Variants in CEP128 observed in about 807,000 individuals in gnomAD.
CEP128 encodes centrosomal protein 128kDa.
Under a neutral mutation model 156.7 loss-of-function variants are expected in CEP128, and 132 were observed. The ratio of observed to expected loss-of-function variants is 0.84; its 90% CI spans 0.73 to 0.97. The LOEUF (loss-of-function observed/expected upper bound fraction) is 0.97. Ranked by LOEUF, CEP128 falls within the 50% of genes least tolerant of loss-of-function variation. The pLI, the probability that CEP128 is intolerant of heterozygous loss-of-function variation, is 0.00. For synonymous variants in CEP128, 469 were observed against 448.9 expected (o/e 1.04, Z -0.57); for missense variants, 1,252 against 1,281.9 (o/e 0.98, Z 0.36).
chr14:80,486,107 C>A (rs1481734025), downstream of CEP128, among the ~76,000 whole-genome samples: 1 of 152,074 alleles, frequency 6.6e-6, no homozygotes, highest in Non-Finnish European at 1.5e-5. Context: ...TAAATGGGAC[C>A]TATTGCATTG....
At chr14:80,896,456 C>T (rs1007126066) in intron 7 of CEP128, among the ~76,000 whole-genome samples, 6 of 152,256 alleles carry the variant, frequency 3.9e-5, no homozygotes, top group East Asian at 1.9e-4. Context: ...ATGTTCAACT[C>T]GAGACATTTT....
chr14:80,800,413 T>C (rs1333178644), intron 13 of CEP128, among the ~76,000 whole-genome samples: 1 of 152,186 alleles, frequency 6.6e-6, no homozygotes, highest in South Asian at 2.1e-4. Flanking sequence ...ATCCAATGTC[T>C]ACATTTTACA....
intron 18 of CEP128, among the ~76,000 whole-genome samples, chr14:80,748,720 T>C (rs1899232600): frequency 6.6e-6 from 1 of 152,150 alleles, no homozygotes; most frequent in Non-Finnish European, 1.5e-5. Context: ...TACTCTCAGC[T>C]GAGGTGGGCA....
At chr14:80,687,071 G>A (rs930040597) in intron 19 of CEP128, among the ~76,000 whole-genome samples, 11 of 152,102 alleles carry the variant, frequency 7.2e-5, no homozygotes, top group Non-Finnish European at 1.6e-4. Context: ...GTTGAACACA[G>A]CTATGGATCA....
intron 19 of CEP128, among the ~76,000 whole-genome samples, chr14:80,677,096 A>G (rs1351521784): frequency 6.6e-6 from 1 of 152,224 alleles, no homozygotes; most frequent in Non-Finnish European, 1.5e-5. Context: ...CCCATGATGT[A>G]TAAAAAGTTT....
intron 24 of CEP128, among the ~76,000 whole-genome samples, chr14:80,502,794 T>C (rs1887798696): frequency 6.6e-6 from 1 of 152,096 alleles, no homozygotes; most frequent in African/African-American, 2.4e-5. Flanking sequence ...CTCTTCTTTT[T>C]AATTCTTCAA....
At chr14:80,870,494 T>C (rs1324613731) in intron 8 of CEP128, among the ~76,000 whole-genome samples, 2 of 152,072 alleles carry the variant, frequency 1.3e-5, no homozygotes, top group Non-Finnish European at 2.9e-5. Context: ...AAAAATCATA[T>C]GGTCTTCTCC....
rs915250437 is a variant in CEP128 at position 80,897,595 on chromosome 14, A to G, written c.573-1805T>C. 2.7e-5 allele frequency among the ~76,000 whole-genome samples: 4 copies of G among 148,042 alleles called. No individual in the cohort carries two copies. The South Asian group carries it at 8.6e-4, about 32-fold the overall frequency. On this transcript the variant is annotated intron_variant, in intron 7 of 24. Coordinates refer to ENST00000555265, the MANE Select transcript of CEP128 (RefSeq NM_152446.5). ...AATTACCATCTACCTAGTTATTCAA[A>G]TTGAAAATCTTAGAGTCATCCTTAT... is the stretch of plus-strand genomic sequence containing the variant.
At chr14:80,808,961 A>G (rs1456160327) in intron 13 of CEP128, among the ~76,000 whole-genome samples, 3 of 152,250 alleles carry the variant, frequency 2.0e-5, no homozygotes, top group Non-Finnish European at 4.4e-5. Flanking sequence ...AGCATGAAAA[A>G]GCAAGGAAAT....
intron 2 of CEP128, among the ~76,000 whole-genome samples, chr14:80,931,944 C>T (rs1032692750): frequency 4.5e-4 from 68 of 152,186 alleles, no homozygotes; most frequent in African/African-American, 1.4e-3. Context: ...ACCCAAATCT[C>T]ATCTTGAATT....
intron 8 of CEP128, among the ~76,000 whole-genome samples, chr14:80,892,658 GT>G (rs1450883400): frequency 6.6e-6 from 1 of 151,794 alleles, no homozygotes; most frequent in Non-Finnish European, 1.5e-5. Flanking sequence ...ATCTGATGAG[GT>G]TAATACCCAA....
At chr14:80,900,134 G>A in intron 6 of CEP128, 105 bp from the exon 7 acceptor site, 1 of 667,650 alleles carries the variant, frequency 1.5e-6, no homozygotes, top group Non-Finnish European at 2.5e-6. Flanking sequence ...ATAATAACCA[G>A]ATTCCGTAAT....
Position 80,785,150 on chromosome 14 carries a change from A to C in CEP128, c.1956T>G (p.Ala652=), listed in dbSNP as rs766244322. ...AIRADLANKL[A]EEERAKKAVL... ...CTGCTTTCTTGGCTCTCTCTTCCTCAGCCAATTTATTAGCAAGATCTGCTC... is the reference window on the plus strand; with the variant it reads ...CTGCTTTCTTGGCTCTCTCTTCCTCCGCCAATTTATTAGCAAGATCTGCTC... Residue 652 remains alanine (A), a synonymous_variant, in exon 15 of 25, where the codon GCT becomes GCG. Transcript: ENST00000555265. The C allele has an allele frequency of 6.2e-7, 1 of 1,614,146 alleles. No individual in the cohort carries two copies. Among genetic ancestry groups the C allele is most frequent in the East Asian group, 2.2e-5 (1 of 44,884 alleles).
intron 19 of CEP128, among the ~76,000 whole-genome samples, chr14:80,635,835 C>T (rs758794237): frequency 1.3e-5 from 2 of 152,110 alleles, no homozygotes; most frequent in African/African-American, 2.4e-5. Flanking sequence ...CACCTGACTT[C>T]GTGATAGGCT....
chr14:80,900,490 A>C (rs1883486020), intron 6 of CEP128, among the ~76,000 whole-genome samples: 1 of 152,204 alleles, frequency 6.6e-6, no homozygotes, highest in Non-Finnish European at 1.5e-5. Flanking sequence ...AATTACAATA[A>C]AATTTTATTC....
At chr14:80,813,063 GTTGT>G (rs768135311) in intron 13 of CEP128, among the ~76,000 whole-genome samples, 10 of 152,086 alleles carry the variant, frequency 6.6e-5, no homozygotes, top group East Asian at 1.9e-4. Flanking sequence ...TTTTAATGGG[GTTGT>G]TTGTTTTTGC....
intron 19 of CEP128, among the ~76,000 whole-genome samples, chr14:80,604,782 T>C (rs1382096591): frequency 6.6e-6 from 1 of 152,124 alleles, no homozygotes; most frequent in African/African-American, 2.4e-5. Flanking sequence ...GTAAGTACCA[T>C]GTTCAGGAGA....
intron 8 of CEP128, among the ~76,000 whole-genome samples, chr14:80,866,363 G>C (rs1397387712): frequency 6.6e-6 from 1 of 152,092 alleles, no homozygotes; most frequent in African/African-American, 2.4e-5. Context: ...CACACCAGTA[G>C]ACCCTCGTGC....
At chr14:80,519,668 G>A (rs1374819284) in intron 23 of CEP128, among the ~76,000 whole-genome samples, 4 of 152,112 alleles carry the variant, frequency 2.6e-5, no homozygotes, top group African/African-American at 7.2e-5. Flanking sequence ...CTGGGCAGAT[G>A]TTTTACTTAA....
Sources: allele counts gnomAD v4.1 joint callset (sites outside exome capture counted in the v4.1 genomes callset), GRCh38; gene constraint gnomAD v4.1.1; transcripts MANE v1.5; gene names NCBI Gene and HGNC (gene_info 2026-07-23, HGNC 2026-07-21).